Variants in UBE2R2 observed in about 807,000 individuals in gnomAD.
UBE2R2 encodes ubiquitin-conjugating enzyme E2 R2.
Under a neutral mutation model 27.8 loss-of-function variants are expected in UBE2R2, and 1 was observed. That is an observed-to-expected ratio of 0.04 (90% CI 0.01 to 0.17). UBE2R2 has a LOEUF of 0.17. Among genes scored for constraint, UBE2R2 ranks in the 10% least tolerant of loss-of-function variants. The pLI is 1.00. For synonymous variants in UBE2R2, 106 were observed against 113.3 expected, an observed-to-expected ratio of 0.94 and a Z score of 0.41; for missense variants, 100 against 291.0, an observed-to-expected ratio of 0.34 and a Z score of 4.78.
At chr9:33,827,140 TTA>T (rs1820332147) in intron 1 of UBE2R2, among the ~76,000 whole-genome samples, 1 of 152,132 alleles carries the variant, frequency 6.6e-6, no homozygotes, top group African/African-American at 2.4e-5. Context: ...CTTATTATTA[TTA>T]TTATTTTTTG....
At chr9:33,816,550 T>C (rs1400144569), upstream of UBE2R2, among the ~76,000 whole-genome samples, 1 of 152,254 alleles carries the variant, frequency 6.6e-6, no homozygotes, top group Non-Finnish European at 1.5e-5. Flanking sequence ...CTGACCTTTT[T>C]GTCTCACCCC....
intron 1 of UBE2R2, among the ~76,000 whole-genome samples, chr9:33,881,038 T>C (rs1449784165): frequency 6.6e-6 from 1 of 152,196 alleles, no homozygotes; most frequent in Non-Finnish European, 1.5e-5. Flanking sequence ...ACTGTAATTA[T>C]GCATTTTTCT....
At chr9:33,851,960 C>G (rs1820977743) in intron 1 of UBE2R2, among the ~76,000 whole-genome samples, 1 of 151,952 alleles carries the variant, frequency 6.6e-6, no homozygotes, top group Non-Finnish European at 1.5e-5. Context: ...CTAGAAGGGT[C>G]AGGATAATTA....
intron 1 of UBE2R2, among the ~76,000 whole-genome samples, chr9:33,827,596 G>A (rs2130720083): frequency 6.6e-6 from 1 of 151,858 alleles, no homozygotes; most frequent in Admixed American, 6.6e-5. Flanking sequence ...AGCTGAGATT[G>A]CGCCATTGCA....
intron 1 of UBE2R2, among the ~76,000 whole-genome samples, chr9:33,877,823 GTC>G (rs1554675184): frequency 4.6e-4 from 60 of 130,838 alleles, no homozygotes; most frequent in Admixed American, 8.9e-4. Context: ...CTGTCTGTCT[GTC>G]TCTCTCTCTC....
intron 1 of UBE2R2, among the ~76,000 whole-genome samples, chr9:33,837,551 A>G (rs1429339308): frequency 6.6e-6 from 1 of 151,370 alleles, no homozygotes. Context: ...TCAGCCTCCT[A>G]AGTAGCTGAG....
chr9:33,915,944 G>A (rs1444678428), intron 4 of UBE2R2, among the ~76,000 whole-genome samples: 1 of 152,168 alleles, frequency 6.6e-6, no homozygotes, highest in African/African-American at 2.4e-5. Flanking sequence ...GCATGTGTGG[G>A]GCAGGGGAAG....
intron 3 of UBE2R2, among the ~76,000 whole-genome samples, chr9:33,911,516 C>T (rs1270896347): frequency 6.6e-6 from 1 of 150,530 alleles, no homozygotes; most frequent in African/African-American, 2.4e-5. Context: ...AGCTTTTTCC[C>T]CCATGCCATT....
intron 1 of UBE2R2, among the ~76,000 whole-genome samples, chr9:33,869,194 G>A (rs1286497553): frequency 2.6e-5 from 4 of 152,078 alleles, no homozygotes; most frequent in Admixed American, 6.6e-5. Flanking sequence ...GCTTGAGCCC[G>A]GGAGGTCGAG....
intron 1 of UBE2R2, among the ~76,000 whole-genome samples, chr9:33,841,335 C>T (rs527929333): frequency 2.8e-4 from 42 of 152,294 alleles, no homozygotes; most frequent in Non-Finnish European, 3.2e-4. Flanking sequence ...CTGCCTCGGC[C>T]TCCCAAAGTG....
chr9:33,837,794 C>T (rs1469766100), intron 1 of UBE2R2, among the ~76,000 whole-genome samples: 1 of 151,488 alleles, frequency 6.6e-6, no homozygotes, highest in African/African-American at 2.4e-5. Flanking sequence ...CTCAAGCATT[C>T]CTCCTACAGT....
chr9:33,831,074 C>CAAAAAAAA (rs60428230), intron 1 of UBE2R2: 5 of 88,248 alleles, frequency 5.7e-5, no homozygotes, highest in African/African-American at 1.4e-4. Flanking sequence ...ACTGAACTAG[C>CAAAAAAAA]AAAAAAAAAA....
intron 1 of UBE2R2, among the ~76,000 whole-genome samples, chr9:33,822,200 T>C (rs918308058): frequency 6.6e-6 from 1 of 151,682 alleles, no homozygotes; most frequent in Non-Finnish European, 1.5e-5. Flanking sequence ...CAAGCGATTC[T>C]TCTGCCTCAG....
intron 3 of UBE2R2, among the ~76,000 whole-genome samples, chr9:33,909,139 C>CATT (rs891737332): frequency 6.6e-6 from 1 of 152,114 alleles, no homozygotes; most frequent in Non-Finnish European, 1.5e-5. Context: ...TCATCATCAT[C>CATT]ATCGTCGTCG....
At chr9:33,853,538 G>A (rs1821020364) in intron 1 of UBE2R2, among the ~76,000 whole-genome samples, 1 of 151,934 alleles carries the variant, frequency 6.6e-6, no homozygotes. Flanking sequence ...GCCCGCCTTG[G>A]CCTCCCAAAG....
intron 3 of UBE2R2, among the ~76,000 whole-genome samples, chr9:33,901,105 G>A (rs1020664089): frequency 1.3e-5 from 2 of 152,118 alleles, no homozygotes; most frequent in African/African-American, 4.8e-5. Flanking sequence ...ATAGGTGTAT[G>A]CCACCATACC....
intron 1 of UBE2R2, among the ~76,000 whole-genome samples, chr9:33,876,132 C>T (rs1235911924): frequency 6.6e-6 from 1 of 151,950 alleles, no homozygotes; most frequent in African/African-American, 2.4e-5. Flanking sequence ...GAGGCCAAGG[C>T]AGGTGGATCA....
chr9:33,873,410 CAGAT>C (rs1298969851), intron 1 of UBE2R2, among the ~76,000 whole-genome samples: 1 of 151,906 alleles, frequency 6.6e-6, no homozygotes, highest in African/African-American at 2.4e-5. Flanking sequence ...TACAGTTTAA[CAGAT>C]AGCATGATTA....
At chr9:33,910,838 C>T (rs1164212240) in intron 3 of UBE2R2, among the ~76,000 whole-genome samples, 2 of 152,200 alleles carry the variant, frequency 1.3e-5, no homozygotes, top group African/African-American at 2.4e-5. Context: ...TGCGGTGGCT[C>T]ATGCCTGTAA....
Sources: gnomAD v4.1 joint callset for allele counts (sites outside exome capture counted in the v4.1 genomes callset) on GRCh38, gnomAD v4.1.1 for gene constraint, MANE v1.5 for transcripts, NCBI Gene and HGNC (gene_info 2026-07-23, HGNC 2026-07-21) for gene names.